OBP2B: variants seen among roughly 807,000 people sequenced by gnomAD.
OBP2B encodes the protein odorant-binding protein 2b.
OBP2B carries 10 observed loss-of-function variants against 21.7 expected under a neutral mutation model. That is an observed-to-expected ratio of 0.46 (90% CI 0.28 to 0.78). The LOEUF is 0.78. Ranked by LOEUF, OBP2B falls within the 30% of genes least tolerant of loss-of-function variation. OBP2B has a pLI of 0.11. For synonymous variants in OBP2B, 73 were observed against 91.5 expected (o/e 0.80, Z 1.16); for missense variants, 153 against 217.7 (o/e 0.70, Z 1.87).
chr9:133,208,053 G>T, intron 3 of OBP2B, 80 bp downstream of exon 3: 1 of 1,504,360 alleles, frequency 6.6e-7, no homozygotes, highest in Non-Finnish European at 9.0e-7. Flanking sequence ...GGGCAGCCTG[G>T]GCACTCTCTA....
At chr9:133,213,046 A>T (rs191552724), upstream of OBP2B, among the ~76,000 whole-genome samples, 19 of 152,240 alleles carry the variant, frequency 1.2e-4, no homozygotes, top group East Asian at 3.7e-3. Context: ...ACAGCATGAC[A>T]AAACCTCATC....
chr9:133,209,914 T>C (rs1833878452), upstream of OBP2B, among the ~76,000 whole-genome samples: 2 of 152,218 alleles, frequency 1.3e-5, no homozygotes, highest in African/African-American at 2.4e-5. The surrounding 1 kb of genome is among the most constrained non-coding windows in gnomAD (Gnocchi z 6.0). Context: ...CTGGCTGTGC[T>C]GTCCTCAGAA....
At chr9:133,222,658 G>GA in the OBP2B span, among the ~76,000 whole-genome samples, 1 of 152,134 alleles carries the variant, frequency 6.6e-6, no homozygotes. Context: ...AACCCGGGAA[G>GA]CAGAAGAGGT....
At chr9:133,219,173 C>A in the OBP2B span, among the ~76,000 whole-genome samples, 1 of 152,222 alleles carries the variant, frequency 6.6e-6, no homozygotes, top group Non-Finnish European at 1.5e-5. Flanking sequence ...CTGTACAACT[C>A]TAAGAAGATG....
At chr9:133,214,447 GA>G in the OBP2B span, among the ~76,000 whole-genome samples, 1 of 152,230 alleles carries the variant, frequency 6.6e-6, no homozygotes. Flanking sequence ...GTTTAAGGAG[GA>G]AAAGGTGTGG....
the OBP2B span, among the ~76,000 whole-genome samples, chr9:133,215,657 T>C: frequency 3.3e-5 from 5 of 152,152 alleles, no homozygotes; most frequent in African/African-American, 4.8e-5. Flanking sequence ...TAGCTGGGAT[T>C]ACAGATGCAC....
upstream of OBP2B, among the ~76,000 whole-genome samples, chr9:133,210,255 C>A (rs1415196059): frequency 6.6e-6 from 1 of 152,190 alleles, no homozygotes; most frequent in Admixed American, 6.5e-5. Flanking sequence ...CCAAGGCTGA[C>A]CCACGCTCTG....
At chr9:133,218,497 C>T in the OBP2B span, among the ~76,000 whole-genome samples, 135 of 152,266 alleles carry the variant, frequency 8.9e-4, 1 homozygote, top group African/African-American at 3.0e-3. Flanking sequence ...TTAGAAAAGA[C>T]GCGGCAATAA....
upstream of OBP2B, among the ~76,000 whole-genome samples, chr9:133,213,016 GGAGTTC>G (rs149422773): frequency 0.017 from 2,647 of 152,208 alleles, 36 homozygotes; most frequent in Middle Eastern, 0.034. Context: ...CTTGAGGTCA[GGAGTTC>G]GAGACCAGCC....
chr9:133,222,085 T>C, the OBP2B span, among the ~76,000 whole-genome samples: 20 of 151,900 alleles, frequency 1.3e-4, no homozygotes, highest in African/African-American at 4.8e-4. Context: ...AGAACCGCGC[T>C]CCAATGTGGA....
intron 4 of OBP2B, among the ~76,000 whole-genome samples, chr9:133,206,896 A>C (rs559489298): frequency 6.6e-6 from 1 of 151,800 alleles, no homozygotes; most frequent in South Asian, 2.1e-4. Flanking sequence ...GGCACCGGCC[A>C]CCCTCCTGCC....
chr9:133,220,540 C>A, the OBP2B span, among the ~76,000 whole-genome samples: 204 of 151,398 alleles, frequency 1.3e-3, no homozygotes, highest in African/African-American at 4.7e-3. Context: ...GAATAATGGT[C>A]CCCTGAAGAT....
the OBP2B span, among the ~76,000 whole-genome samples, chr9:133,221,045 G>A: frequency 2.6e-5 from 4 of 152,178 alleles, no homozygotes; most frequent in African/African-American, 9.7e-5. Context: ...TTAGCCCCGT[G>A]AAACATACTG....
intron 3 of OBP2B, 78 bp from the exon 4 acceptor site, chr9:133,207,414 A>C (rs1433223214): frequency 9.9e-7 from 1 of 1,009,164 alleles, no homozygotes; most frequent in Non-Finnish European, 1.5e-6. Context: ...GGAATGTTTC[A>C]GCGGTCACCC....
the OBP2B span, among the ~76,000 whole-genome samples, chr9:133,216,518 C>A: frequency 6.6e-6 from 1 of 151,830 alleles, no homozygotes; most frequent in African/African-American, 2.4e-5. Flanking sequence ...GCATAGAACC[C>A]CGCAATAGAA....
At position 133,205,368 on chromosome 9, in the gene OBP2B, G is replaced by C; in HGVS notation, c.*45C>G. On this transcript the variant is annotated 3_prime_UTR_variant, in exon 7 of 7. Transcript: ENST00000372034. ...TAGGTCCAGGTGGTCCAGGCTCTGTGTCTGGTGGTAGGGTGGGCTCTGGAG... is the reference window on the plus strand; with the variant it reads ...TAGGTCCAGGTGGTCCAGGCTCTGTCTCTGGTGGTAGGGTGGGCTCTGGAG... 1 of 1,522,446 alleles carries C rather than the reference G, an allele frequency of 6.6e-7. No homozygotes were observed. The highest frequency in any genetic ancestry group is 8.9e-7 in the Non-Finnish European group (1 of 1,124,156). The allele number at this position is 1,522,446 out of a possible 1,614,324, so 94.3% of individuals were successfully genotyped here.
In OBP2B at chr9:133,208,430, G is replaced by A. The variant is rs781789441; in HGVS notation, c.206+39C>T. ...ACCAGGTGGATCTGGGGAGGGGAGC[G>A]AAAGTGGCCTGAGGGGCCCTGCAGT... On this transcript the variant is annotated intron_variant, in intron 2 of 6. Transcript: ENST00000372034. 2.6e-5 allele frequency: 42 copies of A among 1,602,232 alleles called. No individual in the cohort carries two copies. In the South Asian group the frequency reaches 3.1e-4, roughly 12 times the overall value.
At chr9:133,214,341 G>A in the OBP2B span, among the ~76,000 whole-genome samples, 2 of 152,370 alleles carry the variant, frequency 1.3e-5, no homozygotes, top group East Asian at 1.9e-4. Flanking sequence ...GAAGTGTGGT[G>A]AAAGGAAAGC....
At chr9:133,211,818 T>G (rs545282601), upstream of OBP2B, among the ~76,000 whole-genome samples, 1 of 152,352 alleles carries the variant, frequency 6.6e-6, no homozygotes, top group East Asian at 1.9e-4. Flanking sequence ...GGTAGTATTT[T>G]GTTATAGCAA....
Sources: gnomAD v4.1 joint callset for allele counts (sites outside exome capture counted in the v4.1 genomes callset) on GRCh38, gnomAD v4.1.1 for gene constraint, Gnocchi (gnomAD v3.1) non-coding constraint, MANE v1.5 for transcripts, NCBI Gene and HGNC (gene_info 2026-07-23, HGNC 2026-07-21) for gene names.